The following MDN1 variants were observed in gnomAD, a reference collection of about 807,000 sequenced individuals.
MDN1 encodes the protein midasin AAA ATPase 1.
In MDN1, 266 loss-of-function variants were observed where a neutral mutation model predicts 669.2. That is an observed-to-expected ratio of 0.40 (90% CI 0.36 to 0.44). The LOEUF (loss-of-function observed/expected upper bound fraction) is 0.44. Among genes scored for constraint, MDN1 ranks in the 20% least tolerant of loss-of-function variants. The pLI is 1.00. For missense variants in MDN1, 5,940 were observed against 6,754.0 expected (o/e 0.88, Z 4.22); for synonymous variants, 2,385 against 2,457.1 (o/e 0.97, Z 0.87).
rs142660811 is a variant in MDN1, at chr6:89,655,673, C to G, written c.15490+91G>C. ...ATGTATCAAAACCTCACACTGTACC[C>G]CACAAATACGTATCATTATTATAGG... On this transcript the variant is annotated intron_variant, in intron 92 of 101. Coordinates refer to ENST00000369393, the MANE Select transcript of MDN1 (RefSeq NM_014611.3). 6.6e-4 allele frequency: 804 copies of G among 1,225,172 alleles called. 4 individuals carry two copies. In the African/African-American group the frequency reaches 9.2e-3, roughly 14 times the overall value. 75.9% of individuals were successfully genotyped at this position (1,225,172 alleles called of 1,614,324 possible).
chr6:89,645,077 G>C lies in MDN1; in HGVS notation c.16540C>G (p.Gln5514Glu). Residue 5514 changes from glutamine (Q) to glutamate (E), a missense_variant, in exon 101 of 102, where the codon CAG (glutamine) becomes GAG (glutamate). This residue lies in a region of MDN1 where 2,280 missense variants were observed against 2,576.3 expected (regional missense o/e 0.88). Transcript: ENST00000369393. Reference sequence around the variant, plus strand: ...AAGATATTTGCATTCCGGGCAGCCTGAACTGCTGCCAGGACTCTTTCTTTG... The same window carrying C: ...AAGATATTTGCATTCCGGGCAGCCTCAACTGCTGCCAGGACTCTTTCTTTG... ...EGKERVLAAV[Q>E]AARNANIFVI... 2 of 1,612,304 alleles carry C rather than the reference G, an allele frequency of 1.2e-6. No individual in the cohort carries two copies. The highest frequency in any genetic ancestry group is 1.7e-6 in the Non-Finnish European group (2 of 1,178,452).
chr6:89,743,896 T>C (rs1422088589), intron 29 of MDN1, among the ~76,000 whole-genome samples, 182 bp from the exon 30 acceptor site: 2 of 151,960 alleles, frequency 1.3e-5, no homozygotes, highest in African/African-American at 4.8e-5. Flanking sequence ...CACTCTCCCA[T>C]ATTCTTATCC....
chr6:89,716,370 A>C (rs1338147739), intron 44 of MDN1, among the ~76,000 whole-genome samples: 1 of 152,230 alleles, frequency 6.6e-6, no homozygotes, highest in East Asian at 1.9e-4. Flanking sequence ...ATATTAAATT[A>C]AAAGGCCTAA....
At position 89,701,682 on chromosome 6, in the gene MDN1, T is replaced by A. The variant is rs1584225845; in HGVS notation, c.8307-4A>T. The A allele has an allele frequency of 1.9e-6, 3 of 1,612,688 alleles. No homozygotes were observed. The Admixed American group carries it at 5.0e-5, about 27-fold the overall frequency. On this transcript the variant is annotated splice_region_variant and splice_polypyrimidine_tract_variant and intron_variant, in intron 54 of 101. Transcript: ENST00000369393. ...AGTCTGAACTTCTTTGTAATATCTTTAAAGGAGAACAAGGGCACAGGGGAA... is the reference window on the plus strand; with the variant it reads ...AGTCTGAACTTCTTTGTAATATCTTAAAAGGAGAACAAGGGCACAGGGGAA...
At chr6:89,802,965 A>G (rs17506620) in intron 2 of MDN1, among the ~76,000 whole-genome samples, 22,465 of 152,140 alleles carry the variant, frequency 0.15, 1,934 homozygotes, top group South Asian at 0.21. Flanking sequence ...CAGCTGCTCT[A>G]ACAAGCAAGG....
chr6:89,761,789 G>A, intron 16 of MDN1, 41 bp from the exon 17 acceptor site: 1 of 1,358,818 alleles, frequency 7.4e-7, no homozygotes, highest in Non-Finnish European at 1.0e-6. Context: ...ATTTTGAATT[G>A]TAATATATAC....
rs1364648804 is a variant in MDN1 at position 89,645,161 on chromosome 6, T to C, written c.16460-4A>G. 1.9e-6 allele frequency: 3 copies of C among 1,597,402 alleles called. No homozygotes were observed. Among genetic ancestry groups the C allele is most frequent in the Non-Finnish European group, 2.6e-6 (3 of 1,166,278 alleles). ...ACCAGGAGGAGTTGTGCAGTTTCTG[T>C]AGACCATATAAGACGAAGCAAGGGA... On this transcript the variant is annotated splice_region_variant and splice_polypyrimidine_tract_variant and intron_variant, in intron 100 of 101. Coordinates refer to ENST00000369393, the MANE Select transcript of MDN1 (RefSeq NM_014611.3).
At chr6:89,686,180 T>C (rs982654152) in intron 69 of MDN1, among the ~76,000 whole-genome samples, 56 of 152,172 alleles carry the variant, frequency 3.7e-4, no homozygotes, top group African/African-American at 1.3e-3. Context: ...ATCCCAGCAC[T>C]CTGGGAGGCC....
In MDN1 at chr6:89,819,725, C is replaced by T; in HGVS notation, c.-118G>A. The T allele has an allele frequency of 1.3e-6, 1 of 782,926 alleles. No individual in the cohort carries two copies. The highest frequency in any genetic ancestry group is 2.2e-6 in the Non-Finnish European group (1 of 464,088). The allele number at this position is 782,926 out of a possible 1,614,324, so 48.5% of individuals were successfully genotyped here. On this transcript the variant is annotated 5_prime_UTR_variant, in exon 1 of 102. Transcript: ENST00000369393. ...GCAACTACGCCCGCAGGAAAGGCGT[C>T]CTCAGCTCCAGCGCCTACACCGGGA...
Position 89,743,262 on chromosome 6 carries a change from T to G in MDN1, c.4336A>C (p.Arg1446=). 6.2e-7 allele frequency: 1 copy of G among 1,614,120 alleles called. No homozygotes were observed. The highest frequency in any genetic ancestry group is 8.5e-7 in the Non-Finnish European group (1 of 1,180,004). Residue 1446 remains arginine (R), a synonymous_variant, in exon 31 of 102, where the codon AGA becomes CGA. Coordinates refer to ENST00000369393, the MANE Select transcript of MDN1 (RefSeq NM_014611.3). ...PNDKEEIDTS[R]LFEWHDGPLV... ...GGCCCATCATGCCACTCAAAGAGTC[T>G]TGATGTGTCAATTTCTTCCTATAAT...
At chr6:89,794,902 C>CT in intron 2 of MDN1, 101 bp from the exon 3 acceptor site, 1 of 939,460 alleles carries the variant, frequency 1.1e-6, no homozygotes, top group Non-Finnish European at 1.6e-6. Context: ...GCATTTTCAA[C>CT]TTAAGCTATT....
chr6:89,701,627 C>A lies in MDN1; in HGVS notation c.8358G>T (p.Gly2786=). Residue 2786 remains glycine, a synonymous_variant, in exon 55 of 102, where the codon GGG becomes GGT. Transcript: ENST00000369393. ...TVSEHIQNCL[G]SQTGGFAGIK... ...TACCAGCGAAGCCACCAGTCTGGCT[C>A]CCCAGACAATTCTGAATATGTTCTG... The A allele has an allele frequency of 6.2e-7, 1 of 1,614,024 alleles. No homozygotes were observed. Among genetic ancestry groups the A allele is most frequent in the Non-Finnish European group, 8.5e-7 (1 of 1,179,908 alleles).
At chr6:89,773,241 C>T (rs1818193946) in intron 13 of MDN1, among the ~76,000 whole-genome samples, 1 of 152,038 alleles carries the variant, frequency 6.6e-6, no homozygotes, top group South Asian at 2.1e-4. Flanking sequence ...GATTTGGTGA[C>T]ATAGAAATAC....
intron 17 of MDN1, among the ~76,000 whole-genome samples, chr6:89,759,683 G>C (rs1464646244): frequency 2.0e-5 from 3 of 146,976 alleles, no homozygotes; most frequent in South Asian, 2.2e-4. Context: ...AGAATCGCTT[G>C]AACCTGGGAG....
intron 50 of MDN1, among the ~76,000 whole-genome samples, chr6:89,709,078 C>G (rs1813710546): frequency 2.6e-5 from 4 of 151,612 alleles, no homozygotes. Flanking sequence ...AACTTAAAAA[C>G]AAATTCTCTA....
chr6:89,670,856 C>T, intron 83 of MDN1, 63 bp downstream of exon 83: 1 of 1,538,560 alleles, frequency 6.5e-7, no homozygotes, highest in Non-Finnish European at 8.8e-7. Flanking sequence ...ACACCAAAGA[C>T]TAATGACATG....
Position 89,680,753 on chromosome 6 carries a change from T to G in MDN1, c.12103-2A>C, listed in dbSNP as rs1462658186. The G allele has an allele frequency of 6.2e-7, 1 of 1,613,086 alleles. No homozygotes were observed. The highest frequency in any genetic ancestry group is 1.3e-5 in the African/African-American group (1 of 74,870). On this transcript the variant is annotated splice_acceptor_variant, in intron 73 of 101. Coordinates refer to ENST00000369393, the MANE Select transcript of MDN1 (RefSeq NM_014611.3). LOFTEE classifies it high-confidence loss of function. ...CTGACACCACTCTGGAATTGTGGCC[T>G]GTGAGACAAAAGACAGGTTAGCCTC...
chr6:89,785,638 G>A (rs556187630), intron 8 of MDN1, among the ~76,000 whole-genome samples: 1 of 152,340 alleles, frequency 6.6e-6, no homozygotes, highest in Non-Finnish European at 1.5e-5. Flanking sequence ...CAACTGTCCC[G>A]AGAGGAAGAT....
At chr6:89,772,125 C>T (rs1171296340) in intron 14 of MDN1, among the ~76,000 whole-genome samples, 1 of 152,208 alleles carries the variant, frequency 6.6e-6, no homozygotes, top group South Asian at 2.1e-4. Context: ...ATTAGCCAGG[C>T]GTGGTGGCAC....
Sources: gnomAD v4.1 joint callset for allele counts (sites outside exome capture counted in the v4.1 genomes callset) on GRCh38, gnomAD v4.1.1 for gene constraint, gnomAD v4.1.1 regional missense constraint, MANE v1.5 for transcripts, NCBI Gene and HGNC (gene_info 2026-07-23, HGNC 2026-07-21) for gene names.